PAPPA2: variants seen among roughly 807,000 people sequenced by gnomAD.
The protein encoded by PAPPA2 is pappalysin-2.
Under a neutral mutation model 176.4 loss-of-function variants are expected in PAPPA2, and 86 were observed. The ratio of observed to expected loss-of-function variants is 0.49; its 90% CI spans 0.41 to 0.58. The LOEUF (loss-of-function observed/expected upper bound fraction) is 0.58. PAPPA2 is among the 20% of genes least tolerant of loss of function. The probability of loss-of-function intolerance (pLI) is 0.00; values close to 1 mark genes in which losing one functional copy is unlikely to be tolerated. For synonymous variants in PAPPA2, 809 were observed against 852.2 expected (o/e 0.95, Z 0.88); for missense variants, 2,073 against 2,256.9 (o/e 0.92, Z 1.65).
At chr1:176,605,338 T>C (rs951245682) in intron 3 of PAPPA2, among the ~76,000 whole-genome samples, 2 of 152,226 alleles carry the variant, frequency 1.3e-5, no homozygotes, top group African/African-American at 4.8e-5. Flanking sequence ...GACCTGCTCA[T>C]GTTAACTGCA....
chr1:176,665,864 C>T (rs1658612631), intron 3 of PAPPA2, among the ~76,000 whole-genome samples: 1 of 152,114 alleles, frequency 6.6e-6, no homozygotes, highest in African/African-American at 2.4e-5. Flanking sequence ...CAAATAGAAC[C>T]ACCAATTACA....
intron 3 of PAPPA2, among the ~76,000 whole-genome samples, chr1:176,642,569 C>A (rs1211944452): frequency 1.3e-5 from 2 of 151,826 alleles, no homozygotes; most frequent in African/African-American, 4.8e-5. Flanking sequence ...AAATGGATTG[C>A]TTCAGATGCT....
intron 21 of PAPPA2, among the ~76,000 whole-genome samples, chr1:176,837,933 A>T (rs1005457107): frequency 3.3e-5 from 5 of 152,202 alleles, no homozygotes; most frequent in East Asian, 3.9e-4. Context: ...TTGAGGGTGG[A>T]GTGGTTGATT....
intron 12 of PAPPA2, among the ~76,000 whole-genome samples, chr1:176,727,309 G>C (rs897190347): frequency 6.6e-6 from 1 of 151,986 alleles, no homozygotes. Context: ...TTACAAAACT[G>C]TTTATGAAAA....
chr1:176,703,658 C>T (rs1285910940), intron 9 of PAPPA2, among the ~76,000 whole-genome samples: 3 of 152,164 alleles, frequency 2.0e-5, no homozygotes, highest in Non-Finnish European at 2.9e-5. Flanking sequence ...GATTCCATCC[C>T]ATCATTTAGC....
At chr1:176,736,229 C>G (rs929657102) in intron 12 of PAPPA2, among the ~76,000 whole-genome samples, 1 of 151,950 alleles carries the variant, frequency 6.6e-6, no homozygotes, top group Non-Finnish European at 1.5e-5. Flanking sequence ...CACAGGCATA[C>G]AGCTTCCTAC....
At position 176,556,933 on chromosome 1, in the gene PAPPA2, G is replaced by A; in HGVS notation, c.611G>A (p.Arg204Lys). Residue 204 changes from arginine (R) to lysine (K), a missense_variant, in exon 2 of 23, where the codon AGG becomes AAG. Physicochemically the swap from Arg to Lys is conservative, Grantham distance 26. Transcript: ENST00000367662. ...KSRQRRQVWK[R>K]RAEDGQGDSG... The stretch of plus-strand genomic sequence containing the variant: ...AGGCAGCGTCGCCAAGTGTGGAAGA[G>A]GCGGGCGGAAGATGGGCAGGGAGAC... The A allele has an allele frequency of 1.2e-6, 2 of 1,614,106 alleles. No homozygotes were observed. The highest frequency in any genetic ancestry group is 1.7e-6 in the Non-Finnish European group (2 of 1,180,020).
chr1:176,740,411 A>G (rs889725839), intron 14 of PAPPA2, among the ~76,000 whole-genome samples: 9 of 152,160 alleles, frequency 5.9e-5, no homozygotes, highest in Non-Finnish European at 1.2e-4. Flanking sequence ...GCTGACCATA[A>G]TTTTTATGTA....
intron 17 of PAPPA2, among the ~76,000 whole-genome samples, chr1:176,785,514 G>C (rs1664896601): frequency 6.6e-6 from 1 of 151,976 alleles, no homozygotes; most frequent in East Asian, 1.9e-4. Flanking sequence ...GGCTGAGAGG[G>C]GCAAAGGAAC....
At chr1:176,505,716 T>C (rs903642302) in intron 1 of PAPPA2, among the ~76,000 whole-genome samples, 1 of 151,718 alleles carries the variant, frequency 6.6e-6, no homozygotes, top group Admixed American at 6.6e-5. Flanking sequence ...AGAGTGAGAC[T>C]CTGTCTCAAA....
chr1:176,599,575 A>G (rs1232304737), intron 3 of PAPPA2, among the ~76,000 whole-genome samples: 1 of 131,540 alleles, frequency 7.6e-6, no homozygotes. Flanking sequence ...TTTATATTTT[A>G]GCAATCATAC....
At chr1:176,465,935 C>CTTATCAGACTTTTTGTTCA (rs967157325) in intron 1 of PAPPA2, among the ~76,000 whole-genome samples, 2 of 151,890 alleles carry the variant, frequency 1.3e-5, no homozygotes, top group Non-Finnish European at 2.9e-5. Flanking sequence ...TATAAGTTGT[C>CTTATCAGACTTTTTGTTCA]TTATCAGACT....
chr1:176,619,223 C>T (rs770290844), intron 3 of PAPPA2, among the ~76,000 whole-genome samples: 4 of 152,176 alleles, frequency 2.6e-5, no homozygotes, highest in Middle Eastern at 3.2e-3. Context: ...CACATGTGTG[C>T]CTTGGAGCTG....
chr1:176,668,236 G>C (rs982124362), intron 3 of PAPPA2, among the ~76,000 whole-genome samples: 4 of 152,180 alleles, frequency 2.6e-5, no homozygotes, highest in African/African-American at 9.6e-5. Flanking sequence ...GTCACTCTGA[G>C]TCCTTCAGGG....
chr1:176,699,413 G>A lies in PAPPA2; in HGVS notation c.3060G>A (p.Val1020=), dbSNP rs1259773470. The change falls in exon 8 of 23, where the codon GTG becomes GTA. Residue 1020 remains valine, a synonymous_variant. Transcript: ENST00000367662. ...KLHVDGKVSG[V]KVYTFDERIE... ...ACGTGGATGGGAAGGTGTCGGGGGT[G>A]AAAGTCTACACCTTTGATGAGAGGA... 6.2e-7 allele frequency: 1 copy of A among 1,614,160 alleles called. No homozygotes were observed. The highest frequency in any genetic ancestry group is 8.5e-7 in the Non-Finnish European group (1 of 1,180,026).
chr1:176,805,029 ATAT>A (rs1360171117), intron 21 of PAPPA2, among the ~76,000 whole-genome samples: 2 of 151,954 alleles, frequency 1.3e-5, no homozygotes, highest in African/African-American at 4.8e-5. Context: ...GAACACTGTG[ATAT>A]TATCAGATAA....
chr1:176,816,270 C>T (rs1666396930), intron 21 of PAPPA2, among the ~76,000 whole-genome samples: 1 of 118,934 alleles, frequency 8.4e-6, no homozygotes, highest in South Asian at 2.5e-4. Flanking sequence ...TGTATGTACA[C>T]ACGTATATAT....
chr1:176,610,572 A>T (rs1447000286), intron 3 of PAPPA2, among the ~76,000 whole-genome samples: 1 of 151,944 alleles, frequency 6.6e-6, no homozygotes, highest in East Asian at 1.9e-4. Flanking sequence ...GCTGAAGGAG[A>T]TGCTCCCCCT....
At chr1:176,614,755 A>G (rs1220235098) in intron 3 of PAPPA2, among the ~76,000 whole-genome samples, 6 of 152,180 alleles carry the variant, frequency 3.9e-5, no homozygotes, top group African/African-American at 1.2e-4. Flanking sequence ...TATTTCTCCC[A>G]CAGTACTATA....
Sources: allele counts gnomAD v4.1 joint callset (sites outside exome capture counted in the v4.1 genomes callset), GRCh38; gene constraint gnomAD v4.1.1; transcripts MANE v1.5; gene names NCBI Gene and HGNC (gene_info 2026-07-23, HGNC 2026-07-21).